Variants in NPIPB11 observed in about 807,000 individuals in gnomAD.
NPIPB11 encodes the protein nuclear pore complex interacting protein family member B11, also known as nuclear pore complex-interacting protein family member B11.
A neutral mutation model predicts 32.8 loss-of-function variants in NPIPB11; 17 were observed. The observed-to-expected ratio is 0.52, with a 90% CI of 0.35 to 0.78. The LOEUF (loss-of-function observed/expected upper bound fraction) is 0.78. Among genes scored for constraint, NPIPB11 ranks in the 30% least tolerant of loss-of-function variants. The pLI is 0.01. For synonymous variants in NPIPB11, 209 were observed against 398.4 expected (o/e 0.52, Z 5.66); for missense variants, 537 against 1,000.4 (o/e 0.54, Z 6.25).
intron 2 of NPIPB11, among the ~76,000 whole-genome samples, chr16:29,401,911 C>T (rs174003): frequency 0.74 from 109,933 of 149,136 alleles, 42,128 homozygotes; most frequent in East Asian, 1. Flanking sequence ...TACATTTCCA[C>T]CGTTTGGGGC....
At chr16:29,393,919 A>G in intron 3 of NPIPB11, 29 bp downstream of exon 3, 1 of 1,523,170 alleles carries the variant, frequency 6.6e-7, no homozygotes, top group Non-Finnish European at 8.9e-7. Flanking sequence ...GATTACAAGT[A>G]TACCTCTACA....
intron 2 of NPIPB11, among the ~76,000 whole-genome samples, chr16:29,401,580 T>G (rs1180310686): frequency 1.3e-5 from 2 of 152,156 alleles, no homozygotes; most frequent in African/African-American, 4.8e-5. Flanking sequence ...CAGTCTCCCA[T>G]GTAGGCTGAC....
Position 29,390,899 on chromosome 16 carries a change from G to C in NPIPB11, c.250-551C>G, listed in dbSNP as rs201739952. On this transcript the variant is annotated intron_variant, in intron 3 of 7. Coordinates refer to ENST00000524087, the Ensembl canonical transcript of NPIPB11. ...AATCACTTGAACCCAGCAGGAAAAGGTTGTGGTGAGCTGAGATTGTGCCAT... is the reference window on the plus strand; with the variant it reads ...AATCACTTGAACCCAGCAGGAAAAGCTTGTGGTGAGCTGAGATTGTGCCAT... Among the ~76,000 whole-genome samples, 125 of 148,414 alleles carry C rather than the reference G, an allele frequency of 8.4e-4. 1 individual carries two copies. The highest frequency in any genetic ancestry group is 3.8e-3 in the East Asian group (19 of 5,038).
chr16:29,392,864 TG>T (rs1963756722), intron 3 of NPIPB11, among the ~76,000 whole-genome samples: 1 of 132,324 alleles, frequency 7.6e-6, no homozygotes, highest in Admixed American at 7.8e-5. Flanking sequence ...TGAAAGGCAG[TG>T]CCAAATGACG....
At chr16:29,389,743 G>A (rs1234895134) in intron 5 of NPIPB11, among the ~76,000 whole-genome samples, 198 bp downstream of exon 5, 6 of 143,706 alleles carry the variant, frequency 4.2e-5, no homozygotes, top group Non-Finnish European at 9.1e-5. Flanking sequence ...CTCTTCCCCC[G>A]AAAAAATTAC....
intron 2 of NPIPB11, among the ~76,000 whole-genome samples, chr16:29,400,861 G>A (rs1385718936): frequency 6.6e-6 from 1 of 152,100 alleles, no homozygotes; most frequent in Non-Finnish European, 1.5e-5. Flanking sequence ...AGGATCATCT[G>A]GTGAGCAAGT....
chr16:29,400,905 C>G (rs1963973240), intron 2 of NPIPB11, among the ~76,000 whole-genome samples: 1 of 152,102 alleles, frequency 6.6e-6, no homozygotes, highest in African/African-American at 2.4e-5. Context: ...ACTACCCCCA[C>G]TACCCCCACT....
chr16:29,401,557 C>T (rs1212815792), intron 2 of NPIPB11, among the ~76,000 whole-genome samples: 1 of 152,152 alleles, frequency 6.6e-6, no homozygotes, highest in Non-Finnish European at 1.5e-5. Flanking sequence ...CACTCTCCTC[C>T]TCTGCCCCTC....
At chr16:29,391,083 A>G (rs1304078066) in intron 3 of NPIPB11, among the ~76,000 whole-genome samples, 2 of 150,894 alleles carry the variant, frequency 1.3e-5, no homozygotes, top group Non-Finnish European at 2.9e-5. Context: ...CCTGGGCAAC[A>G]TGGTGAAACC....
chr16:29,383,131 C>T (rs374825840), exon 8 of NPIPB11: 3 of 1,354,080 alleles, frequency 2.2e-6, no homozygotes, highest in Non-Finnish European at 2.9e-6. Flanking sequence ...CTCGGAAGGT[C>T]TCTTGAGATT....
intron 2 of NPIPB11, among the ~76,000 whole-genome samples, chr16:29,399,194 A>T (rs1230458432): frequency 1.3e-5 from 2 of 152,168 alleles, no homozygotes; most frequent in South Asian, 2.1e-4. Context: ...CCCTGTCCTC[A>T]GTTAAACTTC....
Position 29,383,807 on chromosome 16 carries a change from C to G in NPIPB11, c.1125G>C (p.Glu375Asp). The G allele has an allele frequency of 1.6e-5, 19 of 1,211,762 alleles. 5 individuals are homozygous for G. The highest frequency in any genetic ancestry group is 2.1e-5 in the Non-Finnish European group (19 of 908,882). The allele number at this position is 1,211,762 out of a possible 1,614,324, so 75.1% of individuals were successfully genotyped here. ...AGGGTGGAAGCGGCCCCCGCAGACG[C>G]TCGGCAGTTGTCTTGATATTATCAT... The change falls in exon 8 of 8, where the codon GAG becomes GAC. Residue 375 changes from glutamate to aspartate, a missense_variant. Coordinates refer to ENST00000524087, the Ensembl canonical transcript of NPIPB11.
At chr16:29,406,298 C>T (rs1050519104), upstream of NPIPB11, among the ~76,000 whole-genome samples, 1 of 152,248 alleles carries the variant, frequency 6.6e-6, no homozygotes, top group African/African-American at 2.4e-5. Flanking sequence ...GATCTCATCT[C>T]AGTTATATTT....
intron 3 of NPIPB11, 61 bp from the exon 4 acceptor site, chr16:29,390,409 T>A: frequency 6.3e-7 from 1 of 1,594,616 alleles, no homozygotes. Flanking sequence ...ATAATCCCAG[T>A]ACTTCGGGAA....
At chr16:29,402,639 G>A (rs1362815401) in intron 2 of NPIPB11, among the ~76,000 whole-genome samples, 1 of 143,280 alleles carries the variant, frequency 7.0e-6, no homozygotes, top group Non-Finnish European at 1.5e-5. Context: ...GGAGACGGAG[G>A]TTGCAGTGAG....
chr16:29,397,317 C>T (rs1001444922), intron 2 of NPIPB11, among the ~76,000 whole-genome samples: 1 of 151,848 alleles, frequency 6.6e-6, no homozygotes, highest in African/African-American at 2.4e-5. Flanking sequence ...AGCGATCCTC[C>T]CACCTCAGCC....
intron 2 of NPIPB11, among the ~76,000 whole-genome samples, chr16:29,397,941 G>T: frequency 1.1e-5 from 1 of 93,188 alleles, no homozygotes; most frequent in Non-Finnish European, 2.0e-5. Flanking sequence ...AGAAGATCAG[G>T]GAAGCAACAG....
At chr16:29,390,902 G>A (rs1405719530) in intron 3 of NPIPB11, among the ~76,000 whole-genome samples, 1 of 147,044 alleles carries the variant, frequency 6.8e-6, no homozygotes, top group African/African-American at 2.5e-5. Context: ...GGAAAAGGTT[G>A]TGGTGAGCTG....
chr16:29,391,116 A>C (rs1963712090), intron 3 of NPIPB11, among the ~76,000 whole-genome samples: 1 of 146,912 alleles, frequency 6.8e-6, no homozygotes, highest in Non-Finnish European at 1.5e-5. Context: ...AAAATACAAA[A>C]ATTAGCTGAG....
Sources: gnomAD v4.1 joint callset for allele counts (sites outside exome capture counted in the v4.1 genomes callset) on GRCh38, gnomAD v4.1.1 for gene constraint, MANE v1.5 for transcripts, NCBI Gene and HGNC (gene_info 2026-07-23, HGNC 2026-07-21) for gene names.